The following MRPS33 variants were observed in gnomAD, a reference collection of about 807,000 sequenced individuals.
MRPS33 encodes mitochondrial ribosomal protein S33.
A neutral mutation model predicts 11.2 loss-of-function variants in MRPS33; 11 were observed. The ratio of observed to expected loss-of-function variants is 0.99; its 90% CI spans 0.62 to 1.63. The LOEUF (loss-of-function observed/expected upper bound fraction) is 1.63. MRPS33 is among the 40% of genes most tolerant of loss of function. The pLI is 0.00. For synonymous variants in MRPS33, 46 were observed against 44.0 expected, an observed-to-expected ratio of 1.05 and a Z score of -0.18; for missense variants, 109 against 127.8, an observed-to-expected ratio of 0.85 and a Z score of 0.71.
rs190355493 is a variant in MRPS33 at position 141,013,782 on chromosome 7, C to G, written c.-28+1129G>C. ...TTAAGCCCACATGAGAAGAAAATTCCCATATTTTTACTTTGGCATAACAGG... is the reference window on the plus strand; with the variant it reads ...TTAAGCCCACATGAGAAGAAAATTCGCATATTTTTACTTTGGCATAACAGG... On this transcript the variant is annotated intron_variant, in intron 1 of 2. Transcript: ENST00000324787. Among the ~76,000 whole-genome samples the G allele has an allele frequency of 2.6e-5, 4 of 152,252 alleles. No individual in the cohort carries two copies. In the East Asian group the frequency reaches 7.7e-4, roughly 29 times the overall value.
At chr7:141,009,623 G>T (rs1820623139) in intron 2 of MRPS33, 1 of 152,150 alleles carries the variant, frequency 6.6e-6, no homozygotes, top group Admixed American at 6.5e-5. Flanking sequence ...AAGACAGTAG[G>T]AAGAAATGTC....
rs373913306 is a variant in MRPS33, at chr7:141,008,983, C to T, written c.215+1436G>A. 2.7e-4 allele frequency among the ~76,000 whole-genome samples: 41 copies of T among 151,030 alleles called. 1 individual carries two copies. The highest frequency in any genetic ancestry group is 9.5e-4 in the African/African-American group (39 of 41,120). ...CTAATTTTTGTATTTTTAGTAGAGA[C>T]GGGGTTTCACCATGTTGGCCAGGCT... is the stretch of plus-strand genomic sequence containing the variant. On this transcript the variant is annotated intron_variant, in intron 2 of 2. Coordinates refer to ENST00000324787, the MANE Select transcript of MRPS33 (RefSeq NM_053035.3).
intron 2 of MRPS33, 96 bp from the exon 3 acceptor site, chr7:141,006,631 A>G (rs1319574645): frequency 5.8e-6 from 6 of 1,039,932 alleles, no homozygotes; most frequent in South Asian, 5.6e-5. Flanking sequence ...CATTCTGGTT[A>G]TCGATCTTTG....
chr7:141,005,251 T>C lies in MRPS33; in HGVS notation c.*1179A>G, dbSNP rs1265010416. The stretch of plus-strand genomic sequence containing the variant: ...AACTCAGTGTTTCTTGAACAGACAA[T>C]TTCTTCATACCTTAGGGCTTTGCAA... On this transcript the variant is annotated 3_prime_UTR_variant, in exon 3 of 3. Coordinates refer to ENST00000324787, the MANE Select transcript of MRPS33 (RefSeq NM_053035.3). 1 of 152,220 alleles carries C rather than the reference T, an allele frequency of 6.6e-6. No homozygotes were observed. Among genetic ancestry groups the C allele is most frequent in the Non-Finnish European group, 1.5e-5 (1 of 68,046 alleles). 9.4% of individuals were successfully genotyped at this position (152,220 alleles called of 1,614,324 possible).
At chr7:141,008,332 C>T (rs1820585360) in intron 2 of MRPS33, among the ~76,000 whole-genome samples, 1 of 152,184 alleles carries the variant, frequency 6.6e-6, no homozygotes, top group Admixed American at 6.5e-5. Context: ...TTATAATCTT[C>T]TCCTCAGGAT....
intron 1 of MRPS33, chr7:141,014,264 CACAT>C (rs1489567448): frequency 6.6e-6 from 1 of 152,148 alleles, no homozygotes; most frequent in Non-Finnish European, 1.5e-5. Context: ...CCAAGGAATT[CACAT>C]ACAGTGTACA....
intron 2 of MRPS33, chr7:141,009,592 G>T (rs1340913790): frequency 1.3e-5 from 2 of 152,074 alleles, no homozygotes; most frequent in Admixed American, 1.3e-4. Flanking sequence ...TGTCAAAAAG[G>T]GTACAAAATA....
intron 2 of MRPS33, among the ~76,000 whole-genome samples, chr7:141,007,016 C>T (rs1231753196): frequency 6.6e-6 from 1 of 152,078 alleles, no homozygotes; most frequent in Non-Finnish European, 1.5e-5. Flanking sequence ...AGGTAACTCA[C>T]ACAAAAAGGC....
At position 141,006,064 on chromosome 7, in the gene MRPS33, G is replaced by A. The variant is rs1044534131; in HGVS notation, c.*366C>T. The A allele has an allele frequency of 3.8e-5, 7 of 184,816 alleles. No individual in the cohort carries two copies. The allele number at this position is 184,816 out of a possible 1,614,324, so 11.4% of individuals were successfully genotyped here. ...AAGAAGTTTAGGGCTGGGTGAGTCA[G>A]TAAGCAAGAAGGGAGAAATGAGGAC... On this transcript the variant is annotated 3_prime_UTR_variant, in exon 3 of 3. Coordinates refer to ENST00000324787, the MANE Select transcript of MRPS33 (RefSeq NM_053035.3).
chr7:141,006,597 C>T (rs1820536621), intron 2 of MRPS33, 62 bp from the exon 3 acceptor site: 2 of 1,267,034 alleles, frequency 1.6e-6, no homozygotes, highest in South Asian at 1.2e-5. Flanking sequence ...GTACACTAAT[C>T]TAGCACGCAC....
In MRPS33 at chr7:141,003,750, T is replaced by A. The variant is rs937951914; in HGVS notation, c.*2680A>T. 2.6e-5 allele frequency: 4 copies of A among 152,272 alleles called. No individual in the cohort carries two copies. The highest frequency in any genetic ancestry group is 2.0e-4 in the Admixed American group (3 of 15,290). 9.4% of individuals were successfully genotyped at this position (152,272 alleles called of 1,614,324 possible). On this transcript the variant is annotated 3_prime_UTR_variant, in exon 3 of 3. Coordinates refer to ENST00000324787, the MANE Select transcript of MRPS33 (RefSeq NM_053035.3). ...CTGGAGATCACATAATTCAAACATC[T>A]GCTGAGCTACATTGGGTTCAGGCTG... is the stretch of plus-strand genomic sequence containing the variant.
Position 141,002,955 on chromosome 7 carries a change from TAC to T in MRPS33, c.*3473_*3474del, listed in dbSNP as rs1484552902. 2 of 152,286 alleles carry T rather than the reference TAC, an allele frequency of 1.3e-5. No individual in the cohort carries two copies. Among genetic ancestry groups the T allele is most frequent in the African/African-American group, 4.8e-5 (2 of 41,440 alleles). The allele number at this position is 152,286 out of a possible 1,614,324, so 9.4% of individuals were successfully genotyped here. A position where few individuals can be genotyped will look rare whatever the true frequency, so the allele number is the denominator to read the frequency against. On this transcript the variant is annotated 3_prime_UTR_variant, in exon 3 of 3. Coordinates refer to ENST00000324787, the MANE Select transcript of MRPS33 (RefSeq NM_053035.3). ...TAAAAGTTTTTAACTTTTTATAATT[TAC>T]AGAGTTCTTTTCACAAATATCTTAT... is the stretch of plus-strand genomic sequence containing the variant.
At position 141,006,320 on chromosome 7, in the gene MRPS33, A is replaced by C; in HGVS notation, c.*110T>G. ...CCAAGGAGATGACTGTGTTCCTCCA[A>C]ATAAACTTCATTTAGGAAGATGACA... is the stretch of plus-strand genomic sequence containing the variant. On this transcript the variant is annotated 3_prime_UTR_variant, in exon 3 of 3. Coordinates refer to ENST00000324787, the MANE Select transcript of MRPS33 (RefSeq NM_053035.3). 1.1e-6 allele frequency: 1 copy of C among 951,362 alleles called. No individual in the cohort carries two copies. Among genetic ancestry groups the C allele is most frequent in the Non-Finnish European group, 1.6e-6 (1 of 621,616 alleles). The allele number at this position is 951,362 out of a possible 1,614,324, so 58.9% of individuals were successfully genotyped here.
chr7:141,010,289 A>G lies in MRPS33; in HGVS notation c.215+130T>C, dbSNP rs915589832. ...TTTGAAAGAAGACTTTCTCCTGCCAACTGTACCTTTTGAACTACCTGGGCT... is the reference window on the plus strand; with the variant it reads ...TTTGAAAGAAGACTTTCTCCTGCCAGCTGTACCTTTTGAACTACCTGGGCT... On this transcript the variant is annotated intron_variant, in intron 2 of 2. Transcript: ENST00000324787. 14 of 820,172 alleles carry G rather than the reference A, an allele frequency of 1.7e-5. No homozygotes were observed. The Middle Eastern group carries it at 7.7e-4, about 45-fold the overall frequency. The allele number at this position is 820,172 out of a possible 1,614,324, so 50.8% of individuals were successfully genotyped here. A position where few individuals can be genotyped will look rare whatever the true frequency, so the allele number is the denominator to read the frequency against.
rs928880586 is a variant in MRPS33 at position 141,004,984 on chromosome 7, T to A, written c.*1446A>T. The A allele has an allele frequency of 6.6e-6, 1 of 152,280 alleles. No homozygotes were observed. The highest frequency in any genetic ancestry group is 2.4e-5 in the African/African-American group (1 of 41,444). The allele number at this position is 152,280 out of a possible 1,614,324, so 9.4% of individuals were successfully genotyped here. On this transcript the variant is annotated 3_prime_UTR_variant, in exon 3 of 3. Coordinates refer to ENST00000324787, the MANE Select transcript of MRPS33 (RefSeq NM_053035.3). ...GGATGGTCTCGATCCCCTGACCTCGTGATCCACCCGCCTCGACCTCCCAAA... is the reference window on the plus strand; with the variant it reads ...GGATGGTCTCGATCCCCTGACCTCGAGATCCACCCGCCTCGACCTCCCAAA...
At position 141,005,990 on chromosome 7, in the gene MRPS33, A is replaced by C. The variant is rs1175683110; in HGVS notation, c.*440T>G. ...AAAGGAGTAGGTGAAGACACACACA[A>C]AGTTTGTGAGCTTGGTGGTGGAGAC... is the stretch of plus-strand genomic sequence containing the variant. On this transcript the variant is annotated 3_prime_UTR_variant, in exon 3 of 3. Transcript: ENST00000324787. 4.2e-5 allele frequency: 7 copies of C among 166,120 alleles called. No homozygotes were observed. The highest frequency in any genetic ancestry group is 6.5e-5 in the Non-Finnish European group (5 of 76,990). The allele number at this position is 166,120 out of a possible 1,614,324, so 10.3% of individuals were successfully genotyped here. A position where few individuals can be genotyped will look rare whatever the true frequency, so the allele number is the denominator to read the frequency against.
At position 141,003,796 on chromosome 7, in the gene MRPS33, A is replaced by G. The variant is rs1284655010; in HGVS notation, c.*2634T>C. 2 of 152,266 alleles carry G rather than the reference A, an allele frequency of 1.3e-5. No individual in the cohort carries two copies. Among genetic ancestry groups the G allele is most frequent in the Non-Finnish European group, 2.9e-5 (2 of 68,066 alleles). 9.4% of individuals were successfully genotyped at this position (152,266 alleles called of 1,614,324 possible). A position where few individuals can be genotyped will look rare whatever the true frequency, so the allele number is the denominator to read the frequency against. ...GGCTGAGATCCTGTTTCTCAGCTCA[A>G]CATCCTGGGGTAGTCATCCACCTAC... is the stretch of plus-strand genomic sequence containing the variant. On this transcript the variant is annotated 3_prime_UTR_variant, in exon 3 of 3. Transcript: ENST00000324787.
rs946295540 is a variant in MRPS33, at chr7:141,002,807, C to T, written c.*3623G>A. ...CTCTCATCTACCTCCTCTTCCTGAA[C>T]CTATCATGCTGCTTGTAAACGTGGG... On this transcript the variant is annotated 3_prime_UTR_variant, in exon 3 of 3. Transcript: ENST00000324787. The T allele has an allele frequency of 3.8e-5, 6 of 158,430 alleles. No homozygotes were observed. The highest frequency in any genetic ancestry group is 1.4e-4 in the African/African-American group (6 of 41,446). The allele number at this position is 158,430 out of a possible 1,614,324, so 9.8% of individuals were successfully genotyped here. A position where few individuals can be genotyped will look rare whatever the true frequency, so the allele number is the denominator to read the frequency against.
At position 141,006,330 on chromosome 7, in the gene MRPS33, A is replaced by T; in HGVS notation, c.*100T>A. ...GACTGTGTTCCTCCAAATAAACTTC[A>T]TTTAGGAAGATGACATTCCTCCAAT... is the stretch of plus-strand genomic sequence containing the variant. On this transcript the variant is annotated 3_prime_UTR_variant, in exon 3 of 3. Coordinates refer to ENST00000324787, the MANE Select transcript of MRPS33 (RefSeq NM_053035.3). 9.8e-7 allele frequency: 1 copy of T among 1,017,718 alleles called. No individual in the cohort carries two copies. 63.0% of individuals were successfully genotyped at this position (1,017,718 alleles called of 1,614,324 possible). A position where few individuals can be genotyped will look rare whatever the true frequency, so the allele number is the denominator to read the frequency against.
Sources: allele counts gnomAD v4.1 joint callset (sites outside exome capture counted in the v4.1 genomes callset), GRCh38; gene constraint gnomAD v4.1.1; transcripts MANE v1.5; gene names NCBI Gene and HGNC (gene_info 2026-07-23, HGNC 2026-07-21).